The following PPP1R9A variants were observed in gnomAD, a reference collection of about 807,000 sequenced individuals.
PPP1R9A encodes the protein protein phosphatase 1 regulatory subunit 9A, also known as neurabin-1.
In PPP1R9A, 59 loss-of-function variants were observed where a neutral mutation model predicts 141.9. That is an observed-to-expected ratio of 0.42 (90% CI 0.34 to 0.52). The LOEUF is 0.52. Ranked by LOEUF, PPP1R9A falls within the 20% of genes least tolerant of loss-of-function variation. PPP1R9A has a pLI of 0.10. For missense variants in PPP1R9A, 1,444 were observed against 1,611.9 expected, an observed-to-expected ratio of 0.90 and a Z score of 1.78; for synonymous variants, 500 against 569.7, an observed-to-expected ratio of 0.88 and a Z score of 1.74.
rs71125102 is a variant in PPP1R9A, at chr7:95,121,441, T to TTGTCTGTC, written c.1649+623_1649+630dup. Among the ~76,000 whole-genome samples, 506 of 147,250 alleles carry TTGTCTGTC rather than the reference T, an allele frequency of 3.4e-3. 8 individuals are homozygous for TTGTCTGTC. Among genetic ancestry groups the TTGTCTGTC allele is most frequent in the African/African-American group, 0.012 (488 of 39,384 alleles). The stretch of plus-strand genomic sequence containing the variant: ...CTTAGCTTTCATAATCTCAAGCTAT[T>TTGTCTGTC]TGTCTGTCTGTCTGTCTGTCTATCT... On this transcript the variant is annotated intron_variant, in intron 4 of 19. Transcript: ENST00000433360.
chr7:94,990,299 A>G (rs1192594199), intron 2 of PPP1R9A, among the ~76,000 whole-genome samples: 1 of 152,148 alleles, frequency 6.6e-6, no homozygotes, highest in East Asian at 1.9e-4. Flanking sequence ...CAAAATAAGG[A>G]TTATAGAGCC....
chr7:95,049,896 CCA>C (rs1810553172), intron 2 of PPP1R9A, among the ~76,000 whole-genome samples: 1 of 152,126 alleles, frequency 6.6e-6, no homozygotes, highest in African/African-American at 2.4e-5. Flanking sequence ...TCTGAGTATA[CCA>C]CAGTTTATCC....
At chr7:95,132,439 C>T (rs976451098) in intron 4 of PPP1R9A, among the ~76,000 whole-genome samples, 2 of 152,000 alleles carry the variant, frequency 1.3e-5, no homozygotes, top group African/African-American at 4.8e-5. Context: ...CTGAGAAGAT[C>T]GTATGGTTTT....
At chr7:94,998,400 A>G (rs1298724560) in intron 2 of PPP1R9A, among the ~76,000 whole-genome samples, 1 of 152,172 alleles carries the variant, frequency 6.6e-6, no homozygotes, top group African/African-American at 2.4e-5. Flanking sequence ...GTTTTGTCTT[A>G]AAGTAATGAA....
At chr7:95,196,070 C>CGT (rs61241471) in intron 5 of PPP1R9A, among the ~76,000 whole-genome samples, 90,874 of 148,994 alleles carry the variant, frequency 0.61, 27,761 homozygotes, top group East Asian at 0.79. Flanking sequence ...TACACACATA[C>CGT]GTGTGTGTGT....
intron 2 of PPP1R9A, among the ~76,000 whole-genome samples, chr7:95,042,401 G>C (rs1464502148): frequency 6.6e-6 from 1 of 152,292 alleles, no homozygotes; most frequent in African/African-American, 2.4e-5. Flanking sequence ...CTGTTTAGAA[G>C]TAGAACTTTT....
intron 2 of PPP1R9A, among the ~76,000 whole-genome samples, chr7:94,952,054 C>A (rs1395563117): frequency 6.6e-6 from 1 of 151,964 alleles, no homozygotes; most frequent in Non-Finnish European, 1.5e-5. Context: ...GTTTGCTGCA[C>A]CCATCAACCC....
At chr7:94,968,221 G>A (rs961384313) in intron 2 of PPP1R9A, among the ~76,000 whole-genome samples, 2 of 151,850 alleles carry the variant, frequency 1.3e-5, no homozygotes, top group South Asian at 2.1e-4. Flanking sequence ...CGCCCAGGCT[G>A]GAGTGCAGTG....
At chr7:95,203,982 C>T (rs1347850210) in intron 7 of PPP1R9A, among the ~76,000 whole-genome samples, 1 of 152,116 alleles carries the variant, frequency 6.6e-6, no homozygotes, top group Admixed American at 6.5e-5. Flanking sequence ...TTTTTAACCC[C>T]TAACACTTTA....
chr7:95,144,599 A>G (rs1312590914), intron 4 of PPP1R9A, among the ~76,000 whole-genome samples: 1 of 152,170 alleles, frequency 6.6e-6, no homozygotes, highest in Non-Finnish European at 1.5e-5. Context: ...CCGCGGCACA[A>G]TAAAGTCCAC....
chr7:95,060,168 G>T (rs1812034092), intron 2 of PPP1R9A, among the ~76,000 whole-genome samples: 1 of 152,270 alleles, frequency 6.6e-6, no homozygotes, highest in South Asian at 2.1e-4. Flanking sequence ...TGGAGCTATA[G>T]CCCTGCCTTT....
chr7:95,285,766 A>C (rs1458839751), intron 17 of PPP1R9A, among the ~76,000 whole-genome samples: 1 of 152,234 alleles, frequency 6.6e-6, no homozygotes, highest in Non-Finnish European at 1.5e-5. Context: ...GCCAACAATA[A>C]GCGATCCTTC....
chr7:94,950,172 A>T (rs918798146), intron 2 of PPP1R9A, among the ~76,000 whole-genome samples: 3 of 152,072 alleles, frequency 2.0e-5, no homozygotes, highest in African/African-American at 7.2e-5. Flanking sequence ...CAAAAACTTG[A>T]GATAGGATGA....
chr7:95,208,819 A>G (rs918071559), intron 7 of PPP1R9A, among the ~76,000 whole-genome samples: 14 of 152,102 alleles, frequency 9.2e-5, no homozygotes, highest in Non-Finnish European at 1.5e-5. Flanking sequence ...TCGAAAGAAT[A>G]CTTTTAAGAC....
intron 2 of PPP1R9A, among the ~76,000 whole-genome samples, chr7:94,996,766 T>C (rs1028478384): frequency 3.6e-4 from 55 of 151,786 alleles, no homozygotes; most frequent in Non-Finnish European, 5.9e-5. Flanking sequence ...TAAAATTTAC[T>C]GTAATTTTCA....
chr7:95,085,202 T>C (rs1349872502), intron 2 of PPP1R9A, among the ~76,000 whole-genome samples: 1 of 152,014 alleles, frequency 6.6e-6, no homozygotes, highest in East Asian at 1.9e-4. Context: ...GATGTGTTTA[T>C]ATCTTAGCCC....
chr7:95,009,575 C>A (rs1045920152), intron 2 of PPP1R9A, among the ~76,000 whole-genome samples: 2 of 152,086 alleles, frequency 1.3e-5, no homozygotes, highest in East Asian at 1.9e-4. Flanking sequence ...ATCACTGGAC[C>A]CTTACAAGTG....
intron 2 of PPP1R9A, chr7:95,036,168 G>A (rs897352101): frequency 2.0e-5 from 3 of 152,062 alleles, no homozygotes; most frequent in Non-Finnish European, 4.4e-5. Context: ...AGAATAGCAT[G>A]GAAATTTAAG....
intron 2 of PPP1R9A, among the ~76,000 whole-genome samples, chr7:95,034,089 A>G (rs1808100244): frequency 6.6e-6 from 1 of 152,112 alleles, no homozygotes; most frequent in Admixed American, 6.5e-5. Context: ...AGTCCATGGT[A>G]ATTTGGAGAA....
Sources: gnomAD v4.1 joint callset for allele counts (sites outside exome capture counted in the v4.1 genomes callset) on GRCh38, gnomAD v4.1.1 for gene constraint, MANE v1.5 for transcripts, NCBI Gene and HGNC (gene_info 2026-07-23, HGNC 2026-07-21) for gene names.